The following EVC variants were observed in gnomAD, a reference collection of about 807,000 sequenced individuals.
EVC encodes evC complex member EVC.
In EVC, 116 loss-of-function variants were observed where a neutral mutation model predicts 118.9. The observed-to-expected ratio is 0.98, with a 90% confidence interval of 0.84 to 1.14. The LOEUF is 1.14. Ranked by LOEUF, EVC falls within the 50% of genes most tolerant of loss-of-function variation. EVC has a pLI of 0.00. For missense variants in EVC, 1,401 were observed against 1,246.4 expected, an observed-to-expected ratio of 1.12 and a Z score of -1.87; for synonymous variants, 619 against 534.7, an observed-to-expected ratio of 1.16 and a Z score of -2.18.
At chr4:5,801,610 A>C (rs1482347162) in intron 15 of EVC, 1 of 286,600 alleles carries the variant, frequency 3.5e-6, no homozygotes, top group Non-Finnish European at 6.7e-6. Context: ...AACCTGGGAG[A>C]TGGAGGTTGC....
intron 11 of EVC, among the ~76,000 whole-genome samples, chr4:5,769,208 A>G (rs62297669): frequency 0.063 from 9,616 of 152,222 alleles, 396 homozygotes; most frequent in Non-Finnish European, 0.088. Flanking sequence ...GCAAAGTCAC[A>G]TCTTAAATGG....
At chr4:5,784,760 A>C (rs1340130998) in intron 12 of EVC, among the ~76,000 whole-genome samples, 2 of 151,880 alleles carry the variant, frequency 1.3e-5, no homozygotes, top group Admixed American at 6.6e-5. Flanking sequence ...GGCACGTGCC[A>C]CCACGCCTGG....
chr4:5,770,843 C>T (rs1310899848), intron 11 of EVC, among the ~76,000 whole-genome samples: 2 of 152,032 alleles, frequency 1.3e-5, no homozygotes, highest in Admixed American at 1.3e-4. Context: ...AAAACCCCAT[C>T]TCTACTAAAA....
intron 11 of EVC, among the ~76,000 whole-genome samples, chr4:5,766,464 G>T (rs1299973630): frequency 1.6e-5 from 2 of 128,370 alleles, no homozygotes; most frequent in Non-Finnish European, 3.3e-5. Context: ...TTGCTAGATT[G>T]GGGAAGTTCT....
At chr4:5,721,489 C>A (rs1191941999) in intron 2 of EVC, among the ~76,000 whole-genome samples, 1 of 152,080 alleles carries the variant, frequency 6.6e-6, no homozygotes, top group Non-Finnish European at 1.5e-5. Context: ...TTAGTGGTTT[C>A]CAGGGGCTGC....
At position 5,767,508 on chromosome 4, in the gene EVC, A is replaced by G. The variant is rs953113961; in HGVS notation, c.1563+11146A>G. On this transcript the variant is annotated intron_variant, in intron 11 of 20. Transcript: ENST00000264956. Reference sequence around the variant, plus strand: ...GCGCCTCTCCCCCAGCGTGGCTGCCACCTTGCAGTTTGATCTCAGACTGCT... The same window carrying G: ...GCGCCTCTCCCCCAGCGTGGCTGCCGCCTTGCAGTTTGATCTCAGACTGCT... 1.1e-3 allele frequency among the ~76,000 whole-genome samples: 167 copies of G among 151,074 alleles called. 3 individuals are homozygous for G. The highest frequency in any genetic ancestry group is 3.7e-3 in the African/African-American group (151 of 41,200).
At chr4:5,793,418 C>A (rs1713161673) in intron 12 of EVC, 190 bp from the exon 13 acceptor site, 3 of 633,662 alleles carry the variant, frequency 4.7e-6, no homozygotes, top group Admixed American at 2.8e-5. Flanking sequence ...TTGCATTTTT[C>A]CTAAATGCAA....
At position 5,784,515 on chromosome 4, in the gene EVC, A is replaced by G. The variant is rs534263836; in HGVS notation, c.1776+751A>G. 2.0e-5 allele frequency among the ~76,000 whole-genome samples: 3 copies of G among 152,316 alleles called. No individual in the cohort carries two copies. The East Asian group carries it at 5.8e-4, about 29-fold the overall frequency. On this transcript the variant is annotated intron_variant, in intron 12 of 20. Transcript: ENST00000264956. ...GACCCATTTCAGCCTTCTGGCCTCA[A>G]AACTGTAAGATAGCAGATTTGTGTT...
intron 12 of EVC, among the ~76,000 whole-genome samples, chr4:5,791,950 G>A (rs2152320080): frequency 6.6e-6 from 1 of 152,316 alleles, no homozygotes; most frequent in Non-Finnish European, 1.5e-5. Context: ...TGCATCAAGT[G>A]ATAACCCAAT....
At chr4:5,799,638 G>A (rs1390038791) in intron 15 of EVC, among the ~76,000 whole-genome samples, 1 of 152,164 alleles carries the variant, frequency 6.6e-6, no homozygotes, top group African/African-American at 2.4e-5. Flanking sequence ...TCTGTGGCTG[G>A]GAGACAGCAG....
At chr4:5,803,717 C>A (rs1431460032) in intron 16 of EVC, among the ~76,000 whole-genome samples, 1 of 152,114 alleles carries the variant, frequency 6.6e-6, no homozygotes, top group Non-Finnish European at 1.5e-5. Context: ...ATGCTATGTC[C>A]CCAGAGGCTA....
intron 11 of EVC, among the ~76,000 whole-genome samples, chr4:5,765,865 A>C (rs1477613225): frequency 1.3e-5 from 2 of 149,970 alleles, no homozygotes; most frequent in African/African-American, 5.0e-5. Context: ...CCAGTTTGCC[A>C]GTCTGTGTCT....
chr4:5,786,699 C>T (rs1577576073), intron 12 of EVC, among the ~76,000 whole-genome samples: 1 of 152,024 alleles, frequency 6.6e-6, no homozygotes, highest in East Asian at 1.9e-4. Flanking sequence ...TGGTGAAACC[C>T]CGTCTCTACT....
Position 5,746,862 on chromosome 4 carries a change from G to A in EVC, c.940-1286G>A, listed in dbSNP as rs1384570416. On this transcript the variant is annotated intron_variant, in intron 7 of 20. Coordinates refer to ENST00000264956, the MANE Select transcript of EVC (RefSeq NM_153717.3). The surrounding 1 kb of genome is among the most constrained non-coding windows in gnomAD (Gnocchi z 5.8). ...AGAAGAATTGGGACAAGAAAGCAGA[G>A]GAGGAATTGGATGGGCTTTGCAGAA... Among the ~76,000 whole-genome samples, 1 of 152,150 alleles carries A rather than the reference G, an allele frequency of 6.6e-6. No homozygotes were observed. Among genetic ancestry groups the A allele is most frequent in the Non-Finnish European group, 1.5e-5 (1 of 68,026 alleles).
In EVC at chr4:5,761,596, G is replaced by A. The variant is rs369166832; in HGVS notation, c.1563+5234G>A. 1.4e-3 allele frequency among the ~76,000 whole-genome samples: 218 copies of A among 152,062 alleles called. 1 individual carries two copies. Among genetic ancestry groups the A allele is most frequent in the African/African-American group, 5.1e-3 (211 of 41,380 alleles). ...CCTAGTAAATCTACAGTTTACGTAAGATCAGGCGAACATTTGAAGAAAAAG... is the reference window on the plus strand; with the variant it reads ...CCTAGTAAATCTACAGTTTACGTAAAATCAGGCGAACATTTGAAGAAAAAG... On this transcript the variant is annotated intron_variant, in intron 11 of 20. Transcript: ENST00000264956.
Position 5,731,559 on chromosome 4 carries a change from C to T in EVC, c.519C>T (p.Ser173=), listed in dbSNP as rs1287616282. The change falls in exon 4 of 21, where the codon AGC becomes AGT. Residue 173 remains serine (S), a synonymous_variant. Coordinates refer to ENST00000264956, the MANE Select transcript of EVC (RefSeq NM_153717.3). The surrounding 1 kb of genome is among the most constrained non-coding windows in gnomAD (Gnocchi z 5.6). The part of the protein sequence containing the change: ...SLSQGEKDDC[S]SSSSVHSATS... ...GCCAGGGTGAGAAGGACGACTGCAG[C>T]TCCTCATCCAGCGTCCACTCGGCCA... is the stretch of plus-strand genomic sequence containing the variant. 3.1e-6 allele frequency: 5 copies of T among 1,614,136 alleles called. No homozygotes were observed. In the East Asian group the frequency reaches 1.1e-4, roughly 36 times the overall value.
At chr4:5,829,017 T>C in the EVC span, among the ~76,000 whole-genome samples, 12 of 150,794 alleles carry the variant, frequency 8.0e-5, no homozygotes, top group Non-Finnish European at 1.3e-4. Context: ...TTAAAATGTG[T>C]CTTTAAATAA....
chr4:5,787,339 C>T (rs558747916), intron 12 of EVC, among the ~76,000 whole-genome samples: 2 of 152,320 alleles, frequency 1.3e-5, no homozygotes, highest in Non-Finnish European at 2.9e-5. Context: ...TGTGATTAAG[C>T]AAAGGATCGT....
rs1450187445 is a variant in EVC at position 5,754,116 on chromosome 4, G to A, written c.1464+183G>A. On this transcript the variant is annotated intron_variant, in intron 10 of 20. Transcript: ENST00000264956. This position sits in a 1 kb window ranked among gnomAD's most constrained non-coding sequence, Gnocchi z 5.8. ...TACATCCCTAGGGTCCTAGTGGACT[G>A]TAAGCTGGTGATAAGAGTTGTGCTG... Among the ~76,000 whole-genome samples, 1 of 152,208 alleles carries A rather than the reference G, an allele frequency of 6.6e-6. No individual in the cohort carries two copies. The highest frequency in any genetic ancestry group is 1.5e-5 in the Non-Finnish European group (1 of 68,034).
Sources: allele counts gnomAD v4.1 joint callset (sites outside exome capture counted in the v4.1 genomes callset), GRCh38; gene constraint gnomAD v4.1.1; non-coding constraint Gnocchi (gnomAD v3.1); transcripts MANE v1.5; gene names NCBI Gene and HGNC (gene_info 2026-07-23, HGNC 2026-07-21).